The following ARID4B variants were observed in gnomAD, a reference collection of about 807,000 sequenced individuals.
The protein encoded by ARID4B is AT-rich interactive domain-containing protein 4B.
A neutral mutation model predicts 147.5 loss-of-function variants in ARID4B; 26 were observed. That is an observed-to-expected ratio of 0.18 (90% CI 0.13 to 0.24). The LOEUF (loss-of-function observed/expected upper bound fraction) is 0.24, where lower values mean the gene tolerates loss of function less well. Ranked by LOEUF, ARID4B falls within the 10% of genes least tolerant of loss-of-function variation. ARID4B has a pLI of 1.00. For synonymous variants in ARID4B, 512 were observed against 507.9 expected (o/e 1.01, Z -0.11); for missense variants, 1,179 against 1,511.5 (o/e 0.78, Z 3.65).
chr1:235,310,363 T>C (rs1673962882), intron 2 of ARID4B, among the ~76,000 whole-genome samples: 1 of 152,166 alleles, frequency 6.6e-6, no homozygotes, highest in African/African-American at 2.4e-5. Flanking sequence ...TTATTTATAA[T>C]AACTAGTAGA....
chr1:235,233,803 C>T (rs72756075), intron 9 of ARID4B, among the ~76,000 whole-genome samples: 19,958 of 152,200 alleles, frequency 0.13, 1,521 homozygotes, highest in African/African-American at 0.2. Flanking sequence ...ATCAATAGGC[C>T]GGGCGCGATG....
At chr1:235,276,395 A>G (rs950205544) in intron 2 of ARID4B, among the ~76,000 whole-genome samples, 6 of 152,152 alleles carry the variant, frequency 3.9e-5, no homozygotes, top group African/African-American at 1.4e-4. Flanking sequence ...TATTAAAAAT[A>G]TATTTACACT....
intron 11 of ARID4B, chr1:235,228,659 T>G (rs1668000939): frequency 6.7e-6 from 1 of 150,030 alleles, no homozygotes; most frequent in Non-Finnish European, 1.5e-5. Flanking sequence ...TTTTTTTTTT[T>G]TTTTGAGACA....
intron 12 of ARID4B, among the ~76,000 whole-genome samples, chr1:235,224,156 C>T (rs933925156): frequency 6.6e-6 from 1 of 152,126 alleles, no homozygotes; most frequent in Admixed American, 6.5e-5. Context: ...TTTGCCCTTC[C>T]CTTCCAGCTA....
At chr1:235,246,366 A>T (rs1669299790) in intron 7 of ARID4B, 54 bp downstream of exon 7, 2 of 1,361,134 alleles carry the variant, frequency 1.5e-6, no homozygotes, top group Non-Finnish European at 2.1e-6. Context: ...TATAAACAAT[A>T]CTAGAAGGAG....
chr1:235,173,598 A>T (rs533972888), intron 22 of ARID4B, among the ~76,000 whole-genome samples: 147 of 150,294 alleles, frequency 9.8e-4, no homozygotes, highest in African/African-American at 3.3e-3. Flanking sequence ...GAGTAGTATT[A>T]AAAAAATATA....
At position 235,215,148 on chromosome 1, in the gene ARID4B, C is replaced by T. The variant is rs1018524394; in HGVS notation, c.1584-1122G>A. Among the ~76,000 whole-genome samples, 15 of 152,150 alleles carry T rather than the reference C, an allele frequency of 9.9e-5. No homozygotes were observed. The East Asian group carries it at 2.7e-3, about 27-fold the overall frequency. On this transcript the variant is annotated intron_variant, in intron 16 of 23. Coordinates refer to ENST00000264183, the MANE Select transcript of ARID4B (RefSeq NM_016374.6). ...CCGTGAGCCACCACACCTGGCCTTA[C>T]ACCCATTTTTATCTTCTTAGTACCA...
intron 2 of ARID4B, among the ~76,000 whole-genome samples, chr1:235,262,868 G>GT (rs769839522): frequency 2.0e-5 from 3 of 152,194 alleles, no homozygotes; most frequent in Admixed American, 6.5e-5. Flanking sequence ...GATAATGAAT[G>GT]TGTTTGTTAA....
At position 235,182,742 on chromosome 1, in the gene ARID4B, T is replaced by C; in HGVS notation, c.2177A>G (p.Gln726Arg). 1 of 1,610,954 alleles carries C rather than the reference T, an allele frequency of 6.2e-7. No homozygotes were observed. The highest frequency in any genetic ancestry group is 8.5e-7 in the Non-Finnish European group (1 of 1,178,924). Residue 726 changes from glutamine to arginine, a missense_variant, in exon 20 of 24, where the codon CAA (glutamine) becomes CGA (arginine). Transcript: ENST00000264183. ...CTCTTTGCCATTATTATCCATGTCT[T>C]GAGCACCTCTCTCATCTTCCTGCTC... ...DSEQEDERGA[Q>R]DMDNNGKEES...
At chr1:235,266,565 C>T (rs1052518911) in intron 2 of ARID4B, among the ~76,000 whole-genome samples, 1 of 152,144 alleles carries the variant, frequency 6.6e-6, no homozygotes, top group South Asian at 2.1e-4. Context: ...AGCCAGTCTA[C>T]GAAATGTCCT....
At chr1:235,239,102 T>TG (rs1332067697) in intron 8 of ARID4B, among the ~76,000 whole-genome samples, 1 of 151,874 alleles carries the variant, frequency 6.6e-6, no homozygotes, top group East Asian at 1.9e-4. Flanking sequence ...CCTGCCTAGC[T>TG]GGGATTACAG....
At chr1:235,209,496 C>T (rs1666551717) in intron 17 of ARID4B, among the ~76,000 whole-genome samples, 1 of 151,042 alleles carries the variant, frequency 6.6e-6, no homozygotes, top group Non-Finnish European at 1.5e-5. Context: ...AACAAACAAA[C>T]AGCATTTTAG....
intron 4 of ARID4B, among the ~76,000 whole-genome samples, chr1:235,256,147 C>A (rs12731537): frequency 1.5e-5 from 2 of 129,692 alleles, no homozygotes; most frequent in African/African-American, 6.0e-5. Context: ...GCACTCCAGC[C>A]TGGGTGACAG....
At chr1:235,301,074 C>A (rs1276436333) in intron 2 of ARID4B, among the ~76,000 whole-genome samples, 12 of 124,058 alleles carry the variant, frequency 9.7e-5, no homozygotes, top group Non-Finnish European at 1.6e-4. Context: ...AGTATACAGA[C>A]AGGGTCTCAC....
At chr1:235,216,768 A>C (rs890694072) in intron 16 of ARID4B, among the ~76,000 whole-genome samples, 4 of 150,232 alleles carry the variant, frequency 2.7e-5, no homozygotes, top group African/African-American at 9.8e-5. Flanking sequence ...TATTATGAGG[A>C]ATTTTATTTT....
At chr1:235,264,925 T>A (rs550307290) in intron 2 of ARID4B, among the ~76,000 whole-genome samples, 1 of 151,650 alleles carries the variant, frequency 6.6e-6, no homozygotes, top group South Asian at 2.1e-4. Flanking sequence ...CCAGGCATGG[T>A]GGCGGGCGCC....
chr1:235,205,707 CAAAA>C (rs1666263869), intron 17 of ARID4B, among the ~76,000 whole-genome samples: 2 of 151,932 alleles, frequency 1.3e-5, no homozygotes, highest in African/African-American at 2.4e-5. Flanking sequence ...TCAAAAATGG[CAAAA>C]ACTTGAAGGG....
At chr1:235,178,495 C>T (rs1025400149) in intron 20 of ARID4B, among the ~76,000 whole-genome samples, 1 of 152,074 alleles carries the variant, frequency 6.6e-6, no homozygotes, top group African/African-American at 2.4e-5. Flanking sequence ...AAAAACGTCT[C>T]ATCTTCTTGG....
At chr1:235,300,445 C>G (rs1378947265) in intron 2 of ARID4B, among the ~76,000 whole-genome samples, 1 of 151,360 alleles carries the variant, frequency 6.6e-6, no homozygotes. Flanking sequence ...AAAACAGACT[C>G]TGGAGGTCAA....
Sources: gnomAD v4.1 joint callset for allele counts (sites outside exome capture counted in the v4.1 genomes callset) on GRCh38, gnomAD v4.1.1 for gene constraint, MANE v1.5 for transcripts, NCBI Gene and HGNC (gene_info 2026-07-23, HGNC 2026-07-21) for gene names.